Variants in IQGAP2 observed in about 807,000 individuals in gnomAD.
IQGAP2 encodes ras GTPase-activating-like protein IQGAP2.
In IQGAP2, 173 loss-of-function variants were observed where a neutral mutation model predicts 201.3. The ratio of observed to expected loss-of-function variants is 0.86; its 90% CI spans 0.76 to 0.98. IQGAP2 has a LOEUF of 0.98. Among genes scored for constraint, IQGAP2 ranks in the 50% least tolerant of loss-of-function variants. IQGAP2 has a pLI of 0.00. For synonymous variants in IQGAP2, 675 were observed against 673.9 expected, an observed-to-expected ratio of 1.00 and a Z score of -0.03; for missense variants, 1,687 against 1,864.8, an observed-to-expected ratio of 0.90 and a Z score of 1.76.
chr5:76,591,376 AAG>A (rs761421306), intron 8 of IQGAP2, among the ~76,000 whole-genome samples: 3 of 150,246 alleles, frequency 2.0e-5, no homozygotes, highest in Non-Finnish European at 4.5e-5. Flanking sequence ...CCTCCTGTAC[AAG>A]ACAGCCTGCT....
intron 2 of IQGAP2, among the ~76,000 whole-genome samples, chr5:76,496,073 C>T (rs996327710): frequency 6.6e-6 from 1 of 152,184 alleles, no homozygotes; most frequent in African/African-American, 2.4e-5. Context: ...TCAGCGGAGG[C>T]ATGGCACTTC....
rs1323403609 is a variant in IQGAP2, at chr5:76,671,996, G to A, written c.3068+13G>A. Reference sequence around the variant, plus strand: ...CTGGAGAGGCCAGGTAATAGAATCAGGAAGGTGTTGGTCTTCTGTTATGTT... The same window carrying A: ...CTGGAGAGGCCAGGTAATAGAATCAAGAAGGTGTTGGTCTTCTGTTATGTT... On this transcript the variant is annotated intron_variant, in intron 24 of 35. Transcript: ENST00000274364. 1 of 1,565,550 alleles carries A rather than the reference G, an allele frequency of 6.4e-7. No individual in the cohort carries two copies.
intron 1 of IQGAP2, among the ~76,000 whole-genome samples, chr5:76,420,344 T>A (rs1334300439): frequency 6.6e-6 from 1 of 151,982 alleles, no homozygotes; most frequent in Non-Finnish European, 1.5e-5. Context: ...CACATTGTTG[T>A]ATAACCATCA....
chr5:76,513,719 G>A (rs1758130384), intron 2 of IQGAP2, among the ~76,000 whole-genome samples: 1 of 152,206 alleles, frequency 6.6e-6, no homozygotes, highest in South Asian at 2.1e-4. Flanking sequence ...AGGGAGGGAT[G>A]AATAGGTGGA....
chr5:76,642,163 C>A (rs1751637758), intron 17 of IQGAP2, among the ~76,000 whole-genome samples: 1 of 151,652 alleles, frequency 6.6e-6, no homozygotes, highest in Admixed American at 6.6e-5. Context: ...GAACAAAAGC[C>A]TAAAAATAGT....
rs774644385 is a variant in IQGAP2, at chr5:76,627,479, G to A, written c.1591G>A (p.Asp531Asn). 3 of 1,588,728 alleles carry A rather than the reference G, an allele frequency of 1.9e-6. No homozygotes were observed. Among genetic ancestry groups the A allele is most frequent in the Non-Finnish European group, 2.6e-6 (3 of 1,157,034 alleles). ...GCAAGCCGTCGATGATGCCAACGTG[G>A]ACAAGGACAGAGCAAAACAATGTAA... ...IQQAVDDANVDKDRAKQWVTL... is the reference protein window; with the variant it reads ...IQQAVDDANVNKDRAKQWVTL... Residue 531 changes from aspartate to asparagine, a missense_variant, in exon 14 of 36, where the codon GAC becomes AAC. By Grantham distance (23) the Asp-to-Asn change is conservative (BLOSUM62 1). Coordinates refer to ENST00000274364, the MANE Select transcript of IQGAP2 (RefSeq NM_006633.5).
At chr5:76,538,869 T>A (rs1759773695) in intron 2 of IQGAP2, among the ~76,000 whole-genome samples, 7 of 152,144 alleles carry the variant, frequency 4.6e-5, no homozygotes. Flanking sequence ...AGCAAGGGAC[T>A]AGTAATTATT....
In IQGAP2 at chr5:76,701,205, A is replaced by G. The variant is rs1222561860; in HGVS notation, c.4497A>G (p.Gln1499=). ...KGVLLDIDDL[Q]TNQFKNVTFD... ...TCCTGCTAGATATAGATGATCTTCAAACAAACCAGTAAGTGTGACCTGGAA... is the reference window on the plus strand; with the variant it reads ...TCCTGCTAGATATAGATGATCTTCAGACAAACCAGTAAGTGTGACCTGGAA... Residue 1499 remains glutamine (Q), a synonymous_variant, in exon 34 of 36, where the codon CAA becomes CAG. Transcript: ENST00000274364. 2 of 1,614,048 alleles carry G rather than the reference A, an allele frequency of 1.2e-6. No homozygotes were observed. Among genetic ancestry groups the G allele is most frequent in the African/African-American group, 2.7e-5 (2 of 74,952 alleles).
chr5:76,707,770 C>A lies in IQGAP2; in HGVS notation c.*457C>A, dbSNP rs1412722932. The A allele has an allele frequency of 6.5e-6, 1 of 152,816 alleles. No individual in the cohort carries two copies. Among genetic ancestry groups the A allele is most frequent in the African/African-American group, 2.4e-5 (1 of 41,422 alleles). 9.5% of individuals were successfully genotyped at this position (152,816 alleles called of 1,614,324 possible). Reference sequence around the variant, plus strand: ...TTTAGACAGTTCTAAGCCCTGTCTTCTGGGAGTTATCAATTTTAAAGAGAA... The same window carrying A: ...TTTAGACAGTTCTAAGCCCTGTCTTATGGGAGTTATCAATTTTAAAGAGAA... On this transcript the variant is annotated 3_prime_UTR_variant, in exon 36 of 36. Coordinates refer to ENST00000274364, the MANE Select transcript of IQGAP2 (RefSeq NM_006633.5).
intron 21 of IQGAP2, chr5:76,660,161 G>A (rs1289980328): frequency 6.6e-6 from 1 of 152,216 alleles, no homozygotes; most frequent in East Asian, 1.9e-4. Context: ...AGCAGCCACA[G>A]GAGGCTGCCA....
At chr5:76,679,104 G>A (rs1454889276) in intron 28 of IQGAP2, among the ~76,000 whole-genome samples, 1 of 152,154 alleles carries the variant, frequency 6.6e-6, no homozygotes, top group Non-Finnish European at 1.5e-5. Flanking sequence ...GTCTGTTTTT[G>A]TGGTACATTA....
At chr5:76,451,866 C>A (rs1753774565) in intron 1 of IQGAP2, among the ~76,000 whole-genome samples, 1 of 152,176 alleles carries the variant, frequency 6.6e-6, no homozygotes, top group East Asian at 1.9e-4. Context: ...GAAACCCCGT[C>A]TCTACTAAAA....
At chr5:76,411,208 T>G (rs1751098645) in intron 1 of IQGAP2, among the ~76,000 whole-genome samples, 1 of 152,134 alleles carries the variant, frequency 6.6e-6, no homozygotes, top group Non-Finnish European at 1.5e-5. Context: ...TGATATATAG[T>G]TACTCTTCAC....
intron 1 of IQGAP2, among the ~76,000 whole-genome samples, chr5:76,444,702 C>T (rs1753267687): frequency 6.6e-6 from 1 of 152,166 alleles, no homozygotes; most frequent in South Asian, 2.1e-4. Flanking sequence ...TCTTAAGCCA[C>T]TAATACTGTT....
At chr5:76,683,948 C>T (rs1263875492) in intron 30 of IQGAP2, 31 bp downstream of exon 30, 9 of 1,574,938 alleles carry the variant, frequency 5.7e-6, no homozygotes, top group Non-Finnish European at 8.6e-7. Flanking sequence ...GCACATGTCT[C>T]CAAATACACA....
chr5:76,534,003 G>A (rs1344663300), intron 2 of IQGAP2, among the ~76,000 whole-genome samples: 3 of 152,184 alleles, frequency 2.0e-5, no homozygotes, highest in African/African-American at 4.8e-5. Context: ...ATGACTTTGT[G>A]TTGTGTCTGG....
At chr5:76,564,584 G>A (rs1029080691) in intron 3 of IQGAP2, among the ~76,000 whole-genome samples, 6 of 152,184 alleles carry the variant, frequency 3.9e-5, no homozygotes, top group African/African-American at 1.4e-4. Flanking sequence ...CATGGCAGTT[G>A]CCTCATGGCA....
intron 13 of IQGAP2, chr5:76,623,072 G>T: frequency 8.8e-7 from 1 of 1,142,798 alleles, no homozygotes; most frequent in Non-Finnish European, 1.3e-6. Flanking sequence ...GGGGTTTACA[G>T]TTTGTGTGAG....
At chr5:76,442,091 A>G (rs1424309413) in intron 1 of IQGAP2, among the ~76,000 whole-genome samples, 1 of 152,178 alleles carries the variant, frequency 6.6e-6, no homozygotes, top group African/African-American at 2.4e-5. Flanking sequence ...TTTCTTATCT[A>G]TGTGATCTTA....
Sources: gnomAD v4.1 joint callset for allele counts (sites outside exome capture counted in the v4.1 genomes callset) on GRCh38, gnomAD v4.1.1 for gene constraint, MANE v1.5 for transcripts, NCBI Gene and HGNC (gene_info 2026-07-23, HGNC 2026-07-21) for gene names.